The following RAB38 variants were observed in gnomAD, a reference collection of about 807,000 sequenced individuals.
RAB38 encodes the protein RAB38, member RAS oncogene family, also known as ras-related protein Rab-38.
Under a neutral mutation model 18.4 loss-of-function variants are expected in RAB38, and 15 were observed. The ratio of observed to expected loss-of-function variants is 0.82; its 90% CI spans 0.55 to 1.26. The LOEUF (loss-of-function observed/expected upper bound fraction) is 1.26. RAB38 is among the 50% of genes most tolerant of loss of function. The pLI is 0.00. For missense variants in RAB38, 294 were observed against 267.4 expected (o/e 1.10, Z -0.69); for synonymous variants, 101 against 104.4 (o/e 0.97, Z 0.20).
At chr11:87,854,899 A>G in the RAB38 span, among the ~76,000 whole-genome samples, 1 of 152,050 alleles carries the variant, frequency 6.6e-6, no homozygotes, top group Admixed American at 6.6e-5. Flanking sequence ...GGTTCATGCC[A>G]TTCTCCTGCC....
the RAB38 span, among the ~76,000 whole-genome samples, chr11:87,866,582 A>G: frequency 2.0e-5 from 3 of 151,706 alleles, no homozygotes; most frequent in Non-Finnish European, 4.4e-5. Flanking sequence ...CGACAGAACT[A>G]CCTTTTACCA....
chr11:87,864,528 C>A, the RAB38 span, among the ~76,000 whole-genome samples: 8,629 of 151,396 alleles, frequency 0.057, 353 homozygotes, highest in Non-Finnish European at 0.083. Context: ...TTCATGTTTT[C>A]TTGGAATATC....
At chr11:88,015,011 C>T in the RAB38 span, among the ~76,000 whole-genome samples, 14 of 151,196 alleles carry the variant, frequency 9.3e-5, no homozygotes, top group African/African-American at 2.7e-4. Flanking sequence ...AATAATAGAT[C>T]GACCTTAAAA....
chr11:88,146,699 G>T (rs1942990935), intron 2 of RAB38, among the ~76,000 whole-genome samples: 1 of 152,210 alleles, frequency 6.6e-6, no homozygotes, highest in African/African-American at 2.4e-5. Context: ...GAGCTTCTCA[G>T]TGTTGACTTT....
At chr11:87,904,281 G>A in the RAB38 span, among the ~76,000 whole-genome samples, 1 of 151,522 alleles carries the variant, frequency 6.6e-6, no homozygotes, top group Non-Finnish European at 1.5e-5. Flanking sequence ...TCTGTTATTG[G>A]CATCTTTATG....
chr11:87,923,399 T>A, the RAB38 span, among the ~76,000 whole-genome samples: 1 of 151,968 alleles, frequency 6.6e-6, no homozygotes, highest in African/African-American at 2.4e-5. Flanking sequence ...ATTCTTAGAT[T>A]CTTAGTCTTA....
intron 1 of RAB38, chr11:88,166,502 C>T (rs1943245579): frequency 6.6e-6 from 1 of 152,144 alleles, no homozygotes; most frequent in Non-Finnish European, 1.5e-5. Context: ...AATGTCACCT[C>T]CCTTCCAGAT....
the RAB38 span, among the ~76,000 whole-genome samples, chr11:87,886,486 G>A: frequency 1.3e-5 from 2 of 151,864 alleles, no homozygotes; most frequent in South Asian, 4.1e-4. Flanking sequence ...AAATCATCAA[G>A]TGCTGCAAAC....
the RAB38 span, among the ~76,000 whole-genome samples, chr11:87,942,575 G>A: frequency 3.3e-5 from 5 of 152,086 alleles, no homozygotes; most frequent in Admixed American, 1.3e-4. Context: ...ATTAAGACTT[G>A]ACTTGAGGGG....
At chr11:88,161,477 G>A (rs1426929) in intron 1 of RAB38, among the ~76,000 whole-genome samples, 27,142 of 151,998 alleles carry the variant, frequency 0.18, 2,536 homozygotes, top group African/African-American at 0.23. Flanking sequence ...ATTATGCTGT[G>A]CATTCATGCT....
chr11:87,880,931 G>T, the RAB38 span, among the ~76,000 whole-genome samples: 1 of 151,802 alleles, frequency 6.6e-6, no homozygotes, highest in African/African-American at 2.4e-5. Context: ...AAATAAATTT[G>T]TAATTAAGTA....
the RAB38 span, among the ~76,000 whole-genome samples, chr11:88,016,198 T>C: frequency 6.6e-6 from 1 of 152,150 alleles, no homozygotes; most frequent in Non-Finnish European, 1.5e-5. Flanking sequence ...AGGCAGAGTA[T>C]GGTAGAAAGT....
the RAB38 span, among the ~76,000 whole-genome samples, chr11:87,940,109 T>C: frequency 6.9e-6 from 1 of 144,648 alleles, no homozygotes; most frequent in African/African-American, 2.6e-5. Flanking sequence ...TCTCTAGTCA[T>C]ACTAATAAGA....
chr11:87,942,686 A>AGGAGT, the RAB38 span, among the ~76,000 whole-genome samples: 1 of 152,150 alleles, frequency 6.6e-6, no homozygotes, highest in Non-Finnish European at 1.5e-5. Flanking sequence ...GAGTACCTAC[A>AGGAGT]GGAGTGAGTG....
At chr11:88,029,802 T>A in the RAB38 span, among the ~76,000 whole-genome samples, 1 of 152,034 alleles carries the variant, frequency 6.6e-6, no homozygotes, top group African/African-American at 2.4e-5. Context: ...CACCCCACTG[T>A]CAACATTAGA....
the RAB38 span, among the ~76,000 whole-genome samples, chr11:87,849,597 G>T: frequency 6.6e-6 from 1 of 152,072 alleles, no homozygotes; most frequent in Non-Finnish European, 1.5e-5. Flanking sequence ...TTTTGATGTT[G>T]AGCCTAGATA....
At chr11:88,149,615 A>G in intron 2 of RAB38, 60 bp downstream of exon 2, 2 of 1,512,526 alleles carry the variant, frequency 1.3e-6, no homozygotes, top group East Asian at 2.3e-5. Flanking sequence ...GGTGATGATT[A>G]TGTGCCATTT....
chr11:88,075,804 G>A, the RAB38 span, among the ~76,000 whole-genome samples: 7 of 151,524 alleles, frequency 4.6e-5, no homozygotes, highest in Non-Finnish European at 1.0e-4. Context: ...TGGCTTGAGC[G>A]CAGGAGTCGG....
intron 2 of RAB38, among the ~76,000 whole-genome samples, chr11:88,145,706 A>T (rs1238254356): frequency 6.6e-6 from 1 of 152,242 alleles, no homozygotes; most frequent in East Asian, 1.9e-4. Context: ...GGGCACAGGA[A>T]TACTAAAATA....
Sources: gnomAD v4.1 joint callset for allele counts (sites outside exome capture counted in the v4.1 genomes callset) on GRCh38, gnomAD v4.1.1 for gene constraint, MANE v1.5 for transcripts, NCBI Gene and HGNC (gene_info 2026-07-23, HGNC 2026-07-21) for gene names.